The following IL20RB variants were observed in gnomAD, a reference collection of about 807,000 sequenced individuals.
IL20RB encodes interleukin-20 receptor subunit beta.
Under a neutral mutation model 33.3 loss-of-function variants are expected in IL20RB, and 21 were observed. That is an observed-to-expected ratio of 0.63 (90% confidence interval 0.45 to 0.91). The LOEUF (loss-of-function observed/expected upper bound fraction) is 0.91, where lower values mean the gene tolerates loss of function less well. IL20RB is among the 40% of genes least tolerant of loss of function. IL20RB has a pLI of 0.00. For synonymous variants in IL20RB, 147 were observed against 146.8 expected (o/e 1.00, Z -0.01); for missense variants, 345 against 384.8 (o/e 0.90, Z 0.86).
At position 136,986,256 on chromosome 3, in the gene IL20RB, TAAAA is replaced by T. The variant is rs1242298075; in HGVS notation, c.407-3183_407-3180del. Reference sequence around the variant, plus strand: ...ATAAATAAATAAATAAATAAATAAATAAAAATAAAACAGGAACAATGTTTACCTT... The same window carrying T: ...ATAAATAAATAAATAAATAAATAAATATAAAACAGGAACAATGTTTACCTT... On this transcript the variant is annotated intron_variant, in intron 3 of 6. Coordinates refer to ENST00000329582, the MANE Select transcript of IL20RB (RefSeq NM_144717.4). Among the ~76,000 whole-genome samples the T allele has an allele frequency of 0.015, 693 of 45,158 alleles. 5 individuals are homozygous for T. The East Asian group carries it at 0.2, about 13-fold the overall frequency. The allele number at this position is 45,158 out of a possible 152,430, so 29.6% of individuals were successfully genotyped here. A position where few individuals can be genotyped will look rare whatever the true frequency, so the allele number is the denominator to read the frequency against.
At chr3:137,001,918 C>T (rs1311315216) in intron 6 of IL20RB, among the ~76,000 whole-genome samples, 3 of 151,968 alleles carry the variant, frequency 2.0e-5, no homozygotes, top group Non-Finnish European at 4.4e-5. Flanking sequence ...TAATGCTATC[C>T]CTCCCCCAAG....
In IL20RB at chr3:137,005,683, T is replaced by A. The variant is rs558279203; in HGVS notation, c.826-4430T>A. 3.3e-5 allele frequency among the ~76,000 whole-genome samples: 5 copies of A among 152,362 alleles called. No homozygotes were observed. The South Asian group carries it at 1.0e-3, about 32-fold the overall frequency. Reference sequence around the variant, plus strand: ...ATCTTTGCATGTCAGATGGGTCTCCTGAATACAGCACACTGATGGGTCTTG... The same window carrying A: ...ATCTTTGCATGTCAGATGGGTCTCCAGAATACAGCACACTGATGGGTCTTG... On this transcript the variant is annotated intron_variant, in intron 6 of 6. Coordinates refer to ENST00000329582, the MANE Select transcript of IL20RB (RefSeq NM_144717.4).
intron 1 of IL20RB, among the ~76,000 whole-genome samples, chr3:136,975,487 C>T (rs1463907074): frequency 6.6e-6 from 1 of 152,088 alleles, no homozygotes; most frequent in Non-Finnish European, 1.5e-5. Flanking sequence ...TACAGGCACA[C>T]ACCACCATGC....
intron 1 of IL20RB, among the ~76,000 whole-genome samples, chr3:136,959,730 C>A (rs777529301): frequency 2.6e-5 from 4 of 152,162 alleles, no homozygotes; most frequent in Non-Finnish European, 2.9e-5. Context: ...AACACACACA[C>A]ACCAAAAAAA....
chr3:136,993,191 C>T (rs1377830987), intron 5 of IL20RB, among the ~76,000 whole-genome samples: 1 of 152,078 alleles, frequency 6.6e-6, no homozygotes, highest in Non-Finnish European at 1.5e-5. Context: ...AGCGAGACCT[C>T]GTCTCATTTT....
At chr3:136,993,580 C>G (rs1942072588) in intron 5 of IL20RB, among the ~76,000 whole-genome samples, 2 of 152,058 alleles carry the variant, frequency 1.3e-5, no homozygotes, top group Admixed American at 1.3e-4. Flanking sequence ...CAACCCCCAC[C>G]CCATGACCGG....
chr3:136,994,805 CT>C, intron 5 of IL20RB, among the ~76,000 whole-genome samples: 1 of 152,152 alleles, frequency 6.6e-6, no homozygotes, highest in Non-Finnish European at 1.5e-5. Context: ...GCATAGATTC[CT>C]CTTCTATAAA....
intron 1 of IL20RB, among the ~76,000 whole-genome samples, chr3:136,970,762 C>A (rs1941458530): frequency 6.6e-6 from 1 of 152,004 alleles, no homozygotes; most frequent in Non-Finnish European, 1.5e-5. Context: ...AAGCGATTCT[C>A]CTGCCTCAGC....
At chr3:136,992,702 T>A (rs1181480437) in intron 5 of IL20RB, among the ~76,000 whole-genome samples, 3 of 152,108 alleles carry the variant, frequency 2.0e-5, no homozygotes, top group Admixed American at 6.5e-5. Context: ...ACTATTTTTT[T>A]AAAAAGACGA....
chr3:136,982,274 C>T lies in IL20RB; in HGVS notation c.330C>T (p.Asn110=). 2 of 1,611,700 alleles carry T rather than the reference C, an allele frequency of 1.2e-6. No homozygotes were observed. Among genetic ancestry groups the T allele is most frequent in the Middle Eastern group, 1.7e-4 (1 of 6,000 alleles). The change falls in exon 3 of 7, where the codon AAC becomes AAT. Residue 110 remains asparagine (N), a synonymous_variant. Transcript: ENST00000329582. ...ACATCACGGCCACTGTGCCATACAA[C>T]CTTCGTGTCAGGGCCACATTGGGCT... ...TDDITATVPY[N]LRVRATLGSQ...
chr3:136,979,394 G>A (rs1415036852), intron 1 of IL20RB, among the ~76,000 whole-genome samples: 1 of 152,318 alleles, frequency 6.6e-6, no homozygotes, highest in Non-Finnish European at 1.5e-5. Context: ...GAGATGAAAA[G>A]TCCCAAATGA....
chr3:137,006,471 T>C (rs554473816), intron 6 of IL20RB, among the ~76,000 whole-genome samples: 50 of 152,248 alleles, frequency 3.3e-4, no homozygotes, highest in East Asian at 2.7e-3. Context: ...CTTTTTTTTT[T>C]AACTCTTTTT....
intron 5 of IL20RB, among the ~76,000 whole-genome samples, chr3:136,994,401 A>G (rs1577028759): frequency 6.6e-6 from 1 of 152,304 alleles, no homozygotes; most frequent in Non-Finnish European, 1.5e-5. Flanking sequence ...AAATATATAC[A>G]CCTACTATAT....
intron 6 of IL20RB, among the ~76,000 whole-genome samples, chr3:137,006,844 A>G (rs1016442920): frequency 6.6e-6 from 1 of 152,214 alleles, no homozygotes; most frequent in African/African-American, 2.4e-5. Context: ...TTGGAGGAGA[A>G]GAGGTGTTCT....
rs1392381305 is a variant in IL20RB at position 136,980,696 on chromosome 3, A to T, written c.215+104A>T. 3 of 1,164,588 alleles carry T rather than the reference A, an allele frequency of 2.6e-6. No homozygotes were observed. The African/African-American group carries it at 4.6e-5, about 18-fold the overall frequency. 72.1% of individuals were successfully genotyped at this position (1,164,588 alleles called of 1,614,324 possible). On this transcript the variant is annotated intron_variant, in intron 2 of 6. Transcript: ENST00000329582. Reference sequence around the variant, plus strand: ...AAGGTGGCTTTTTGAGTCCAGGGATAGATTATCCCCAAAGATCTACCCCCT... The same window carrying T: ...AAGGTGGCTTTTTGAGTCCAGGGATTGATTATCCCCAAAGATCTACCCCCT...
At chr3:137,006,597 G>T (rs542161882) in intron 6 of IL20RB, among the ~76,000 whole-genome samples, 1 of 151,904 alleles carries the variant, frequency 6.6e-6, no homozygotes, top group African/African-American at 2.4e-5. Flanking sequence ...TGAAGTTCTC[G>T]TGCCATGGTT....
Position 136,958,073 on chromosome 3 carries a change from T to C in IL20RB, c.-41T>C. On this transcript the variant is annotated 5_prime_UTR_variant, in exon 1 of 7. Coordinates refer to ENST00000329582, the MANE Select transcript of IL20RB (RefSeq NM_144717.4). The stretch of plus-strand genomic sequence containing the variant: ...GCTGAGATGGACAGAATGCTTTATT[T>C]TGGAAAGAAACAATGTTCTAGGTCA... The C allele has an allele frequency of 8.3e-7, 1 of 1,208,536 alleles. No homozygotes were observed. Among genetic ancestry groups the C allele is most frequent in the South Asian group, 1.2e-5 (1 of 81,862 alleles). The allele number at this position is 1,208,536 out of a possible 1,614,324, so 74.9% of individuals were successfully genotyped here.
chr3:137,003,628 C>A (rs1216047392), intron 6 of IL20RB, among the ~76,000 whole-genome samples: 1 of 152,166 alleles, frequency 6.6e-6, no homozygotes, highest in Admixed American at 6.5e-5. Flanking sequence ...TATCCTGAGG[C>A]TTTGCTGAAG....
At chr3:136,980,619 C>T in intron 2 of IL20RB, 27 bp downstream of exon 2, 1 of 1,613,478 alleles carries the variant, frequency 6.2e-7, no homozygotes, top group Non-Finnish European at 8.5e-7. Context: ...AATAGTTCTT[C>T]TCCCTTAAGC....
Sources: allele counts gnomAD v4.1 joint callset (sites outside exome capture counted in the v4.1 genomes callset), GRCh38; gene constraint gnomAD v4.1.1; transcripts MANE v1.5; gene names NCBI Gene and HGNC (gene_info 2026-07-23, HGNC 2026-07-21).